Variants in GAP43 observed in about 807,000 individuals in gnomAD.
The protein encoded by GAP43 is growth associated protein 43, also known as neuromodulin.
In GAP43, 6 loss-of-function variants were observed where a neutral mutation model predicts 18.6. The ratio of observed to expected loss-of-function variants is 0.32; its 90% confidence interval spans 0.18 to 0.64. The LOEUF (loss-of-function observed/expected upper bound fraction) is 0.64. GAP43 is among the 30% of genes least tolerant of loss of function. The probability of loss-of-function intolerance (pLI) is 0.78; values close to 1 mark genes in which losing one functional copy is unlikely to be tolerated. For missense variants in GAP43, 292 were observed against 295.5 expected, an observed-to-expected ratio of 0.99 and a Z score of 0.09; for synonymous variants, 115 against 111.4, an observed-to-expected ratio of 1.03 and a Z score of -0.20.
chr3:115,652,037 T>C (rs1292164330), intron 1 of GAP43, among the ~76,000 whole-genome samples: 1 of 152,154 alleles, frequency 6.6e-6, no homozygotes, highest in East Asian at 1.9e-4. Context: ...GCTTCAACTA[T>C]CACCTTCTCA....
chr3:115,630,231 A>G (rs922477953), intron 1 of GAP43, among the ~76,000 whole-genome samples: 1 of 152,188 alleles, frequency 6.6e-6, no homozygotes, highest in Non-Finnish European at 1.5e-5. Context: ...TTTTCTTTAA[A>G]TGCATGTAGT....
chr3:115,712,255 C>T (rs1709450087), intron 2 of GAP43, among the ~76,000 whole-genome samples: 1 of 152,126 alleles, frequency 6.6e-6, no homozygotes, highest in African/African-American at 2.4e-5. Flanking sequence ...AATTAATAGT[C>T]ACTCATATCT....
At chr3:115,669,863 C>T (rs1000597486) in intron 1 of GAP43, among the ~76,000 whole-genome samples, 2 of 152,004 alleles carry the variant, frequency 1.3e-5, no homozygotes, top group South Asian at 2.1e-4. Flanking sequence ...CTTCTCTGCG[C>T]ACTCTGCTCC....
intron 1 of GAP43, among the ~76,000 whole-genome samples, chr3:115,673,155 C>T (rs1260066778): frequency 6.6e-6 from 1 of 152,100 alleles, no homozygotes; most frequent in Non-Finnish European, 1.5e-5. Context: ...GTCATTCTAA[C>T]ATAGATGCTG....
At chr3:115,626,830 A>G (rs1003608584) in intron 1 of GAP43, among the ~76,000 whole-genome samples, 1 of 152,044 alleles carries the variant, frequency 6.6e-6, no homozygotes, top group East Asian at 1.9e-4. Context: ...TGAGAGTGTG[A>G]TCTGTGGTTT....
chr3:115,645,569 A>C (rs1053836455), intron 1 of GAP43, among the ~76,000 whole-genome samples: 9 of 151,868 alleles, frequency 5.9e-5, no homozygotes, highest in African/African-American at 2.2e-4. Flanking sequence ...CAAAATACTA[A>C]AATTTCATAT....
intron 1 of GAP43, among the ~76,000 whole-genome samples, chr3:115,661,612 C>T (rs1314813258): frequency 6.6e-6 from 1 of 152,104 alleles, no homozygotes; most frequent in Middle Eastern, 3.2e-3. Context: ...TCTCAGCCTC[C>T]CGAGTAGCCG....
At chr3:115,667,499 T>G (rs1043744353) in intron 1 of GAP43, among the ~76,000 whole-genome samples, 15 of 152,358 alleles carry the variant, frequency 9.8e-5, no homozygotes, top group African/African-American at 3.1e-4. Flanking sequence ...CTGTAGTAAT[T>G]TAAGAAAATA....
At chr3:115,709,850 T>C (rs1709411707) in intron 2 of GAP43, among the ~76,000 whole-genome samples, 1 of 151,396 alleles carries the variant, frequency 6.6e-6, no homozygotes, top group African/African-American at 2.4e-5. Context: ...CATACATATA[T>C]ATATATATAT....
chr3:115,713,975 A>G lies in GAP43; in HGVS notation c.629-6819A>G, dbSNP rs1488533769. ...GGACGAATTACGCTCCTTAGGGCTG[A>G]GTGCTTCTTATCTAGCTGTTCTTTC... is the stretch of plus-strand genomic sequence containing the variant. On this transcript the variant is annotated intron_variant, in intron 2 of 2. Transcript: ENST00000305124. Among the ~76,000 whole-genome samples the G allele has an allele frequency of 2.0e-5, 3 of 152,186 alleles. No homozygotes were observed. In the East Asian group the frequency reaches 5.8e-4, roughly 29 times the overall value.
chr3:115,708,404 A>G (rs909064657), intron 2 of GAP43, among the ~76,000 whole-genome samples: 3 of 152,184 alleles, frequency 2.0e-5, no homozygotes, highest in South Asian at 2.1e-4. Context: ...CTGCCTCCCA[A>G]CTCCAGTTTT....
intron 2 of GAP43, among the ~76,000 whole-genome samples, chr3:115,715,579 ATTTGTC>A (rs1709493247): frequency 6.6e-6 from 1 of 152,168 alleles, no homozygotes; most frequent in Non-Finnish European, 1.5e-5. Flanking sequence ...CCAGCCATTC[ATTTGTC>A]TTTGACACTC....
intron 1 of GAP43, chr3:115,661,195 G>C (rs1708654215): frequency 6.6e-6 from 1 of 152,150 alleles, no homozygotes; most frequent in African/African-American, 2.4e-5. Context: ...TTGCAGCTGG[G>C]AGTGCAGCTG....
At chr3:115,651,165 A>G (rs888090632) in intron 1 of GAP43, among the ~76,000 whole-genome samples, 1 of 152,086 alleles carries the variant, frequency 6.6e-6, no homozygotes, top group Non-Finnish European at 1.5e-5. Context: ...GTAAAATCCA[A>G]TTCTGTCACA....
intron 2 of GAP43, among the ~76,000 whole-genome samples, chr3:115,691,864 G>A (rs1709119415): frequency 6.6e-6 from 1 of 152,034 alleles, no homozygotes; most frequent in South Asian, 2.1e-4. Flanking sequence ...TGCAATCTAG[G>A]GATTCAATAG....
At chr3:115,682,686 G>A (rs1422511572) in intron 2 of GAP43, among the ~76,000 whole-genome samples, 1 of 152,092 alleles carries the variant, frequency 6.6e-6, no homozygotes, top group Non-Finnish European at 1.5e-5. Context: ...ACAGGCACCT[G>A]CCACCATGCC....
intron 1 of GAP43, among the ~76,000 whole-genome samples, chr3:115,667,331 GA>G (rs1354884494): frequency 6.6e-6 from 1 of 152,190 alleles, no homozygotes; most frequent in East Asian, 1.9e-4. Flanking sequence ...GACAACATTT[GA>G]AGAAGGGTGT....
chr3:115,713,976 G>A (rs1217585397), intron 2 of GAP43, among the ~76,000 whole-genome samples: 2 of 152,184 alleles, frequency 1.3e-5, no homozygotes, highest in Admixed American at 1.3e-4. Context: ...TTAGGGCTGA[G>A]TGCTTCTTAT....
chr3:115,704,595 T>A (rs1709337965), intron 2 of GAP43, among the ~76,000 whole-genome samples: 1 of 151,986 alleles, frequency 6.6e-6, no homozygotes, highest in Non-Finnish European at 1.5e-5. Context: ...TAAAGCAAAA[T>A]TATATTGAAT....
Sources: gnomAD v4.1 joint callset for allele counts (sites outside exome capture counted in the v4.1 genomes callset) on GRCh38, gnomAD v4.1.1 for gene constraint, MANE v1.5 for transcripts, NCBI Gene and HGNC (gene_info 2026-07-23, HGNC 2026-07-21) for gene names.